The following FRMD4A variants were observed in gnomAD, a reference collection of about 807,000 sequenced individuals.
FRMD4A encodes FERM domain containing 4A.
Under a neutral mutation model 129.1 loss-of-function variants are expected in FRMD4A, and 29 were observed. That is an observed-to-expected ratio of 0.22 (90% CI 0.17 to 0.31). The LOEUF is 0.31. Among genes scored for constraint, FRMD4A ranks in the 10% least tolerant of loss-of-function variants. The pLI is 1.00. For missense variants in FRMD4A, 1,272 were observed against 1,375.8 expected, an observed-to-expected ratio of 0.92 and a Z score of 1.19; for synonymous variants, 634 against 571.6, an observed-to-expected ratio of 1.11 and a Z score of -1.56.
At chr10:14,035,924 C>T (rs907405643) in intron 2 of FRMD4A, among the ~76,000 whole-genome samples, 3 of 151,996 alleles carry the variant, frequency 2.0e-5, no homozygotes, top group African/African-American at 4.8e-5. Flanking sequence ...CGCCTGTAAT[C>T]CCAGCTACTT....
At chr10:13,662,315 G>A (rs117415981) in intron 19 of FRMD4A, among the ~76,000 whole-genome samples, 2,803 of 152,134 alleles carry the variant, frequency 0.018, 22 homozygotes, top group Middle Eastern at 0.034. Context: ...TAAATAATCC[G>A]CCAGACTTTC....
At chr10:13,910,754 C>G (rs2131224875) in intron 2 of FRMD4A, among the ~76,000 whole-genome samples, 1 of 151,848 alleles carries the variant, frequency 6.6e-6, no homozygotes, top group East Asian at 1.9e-4. Flanking sequence ...CAACTGGAAC[C>G]AATAAACAAT....
In FRMD4A at chr10:14,266,063, G is replaced by A. The variant is rs566788840; in HGVS notation, c.45+63995C>T. ...AAGCAACAAACATAAATACTGCTGGGCCACTGGAACCAGTGAACTGAACGG... is the reference window on the plus strand; with the variant it reads ...AAGCAACAAACATAAATACTGCTGGACCACTGGAACCAGTGAACTGAACGG... On this transcript the variant is annotated intron_variant, in intron 2 of 24. Coordinates refer to ENST00000357447, the MANE Select transcript of FRMD4A (RefSeq NM_018027.5). Among the ~76,000 whole-genome samples, 10 of 149,918 alleles carry A rather than the reference G, an allele frequency of 6.7e-5. No homozygotes were observed. In the South Asian group the frequency reaches 2.1e-3, roughly 32 times the overall value.
intron 2 of FRMD4A, among the ~76,000 whole-genome samples, chr10:13,872,736 C>T (rs1292373576): frequency 6.6e-6 from 1 of 152,182 alleles, no homozygotes; most frequent in African/African-American, 2.4e-5. Flanking sequence ...CCACATGGAG[C>T]TCTGGCTTCA....
intron 9 of FRMD4A, among the ~76,000 whole-genome samples, chr10:13,746,580 A>G (rs2091302488): frequency 6.6e-6 from 1 of 152,188 alleles, no homozygotes; most frequent in African/African-American, 2.4e-5. Flanking sequence ...CACTGTCTGG[A>G]TAAGTGTCCA....
chr10:13,747,205 G>A (rs553316429), intron 9 of FRMD4A, among the ~76,000 whole-genome samples: 3 of 151,614 alleles, frequency 2.0e-5, no homozygotes, highest in Non-Finnish European at 4.4e-5. Context: ...AACAAAAAAG[G>A]AGAGGTCTCA....
At chr10:14,017,189 G>A (rs1356152746) in intron 2 of FRMD4A, among the ~76,000 whole-genome samples, 4 of 152,174 alleles carry the variant, frequency 2.6e-5, no homozygotes, top group African/African-American at 4.8e-5. Flanking sequence ...GAGGAATAAC[G>A]CTCCTGCAAG....
intron 2 of FRMD4A, among the ~76,000 whole-genome samples, chr10:13,953,854 C>A (rs968607621): frequency 2.6e-5 from 4 of 152,174 alleles, no homozygotes; most frequent in African/African-American, 9.7e-5. Flanking sequence ...TTGGAAGGGA[C>A]CCCCTCAAGG....
chr10:13,828,775 G>A (rs375601254), intron 3 of FRMD4A, among the ~76,000 whole-genome samples: 15 of 152,158 alleles, frequency 9.9e-5, no homozygotes, highest in African/African-American at 2.6e-4. Context: ...CAGGTGATCC[G>A]CCCGCCTTGG....
At chr10:14,328,699 T>C (rs949316742) in intron 2 of FRMD4A, among the ~76,000 whole-genome samples, 4 of 151,528 alleles carry the variant, frequency 2.6e-5, no homozygotes, top group Admixed American at 2.6e-4. Flanking sequence ...TAACCCAGGC[T>C]CCCAGGTTCC....
At chr10:14,180,923 T>A (rs1841892311) in intron 2 of FRMD4A, among the ~76,000 whole-genome samples, 1 of 152,248 alleles carries the variant, frequency 6.6e-6, no homozygotes, top group Non-Finnish European at 1.5e-5. Flanking sequence ...TTATTTACAA[T>A]TCCTTAAAAT....
At chr10:14,046,823 A>G (rs1281578921) in intron 2 of FRMD4A, among the ~76,000 whole-genome samples, 1 of 152,156 alleles carries the variant, frequency 6.6e-6, no homozygotes, top group East Asian at 1.9e-4. Flanking sequence ...GATGAGGAAA[A>G]TCTAAGTTAA....
intron 2 of FRMD4A, among the ~76,000 whole-genome samples, chr10:13,879,784 C>T (rs2094527316): frequency 7.9e-6 from 1 of 126,012 alleles, no homozygotes; most frequent in Admixed American, 8.2e-5. Flanking sequence ...CTTCTTCCTC[C>T]TCCTCCTCCC....
At chr10:13,928,963 C>A (rs2095165127) in intron 2 of FRMD4A, among the ~76,000 whole-genome samples, 1 of 152,242 alleles carries the variant, frequency 6.6e-6, no homozygotes, top group Non-Finnish European at 1.5e-5. Flanking sequence ...TTGTTCCAAA[C>A]ATGCTTGAGC....
At chr10:14,210,789 A>G (rs1318713111) in intron 2 of FRMD4A, among the ~76,000 whole-genome samples, 1 of 152,110 alleles carries the variant, frequency 6.6e-6, no homozygotes, top group Non-Finnish European at 1.5e-5. Context: ...GTGCAGTGAC[A>G]CAGTCTTGGC....
intron 4 of FRMD4A, 112 bp downstream of exon 4, chr10:13,810,702 A>G (rs150939180): frequency 4.4e-4 from 243 of 548,284 alleles, no homozygotes; most frequent in African/African-American, 4.2e-3. Context: ...ACCCCAGACC[A>G]TGGGACCCAA....
intron 2 of FRMD4A, among the ~76,000 whole-genome samples, chr10:14,215,996 CT>C (rs1435756430): frequency 6.6e-6 from 1 of 152,048 alleles, no homozygotes; most frequent in African/African-American, 2.4e-5. Flanking sequence ...CTTGAAAATC[CT>C]GTGAGCTGAG....
At chr10:13,647,066 A>T in intron 24 of FRMD4A, 31 bp from the exon 25 acceptor site, 1 of 460,324 alleles carries the variant, frequency 2.2e-6, no homozygotes, top group Non-Finnish European at 2.7e-6. Flanking sequence ...GAGATGAGAC[A>T]GTTAGTTAGT....
At chr10:14,078,265 G>A (rs935894689) in intron 2 of FRMD4A, among the ~76,000 whole-genome samples, 1 of 152,168 alleles carries the variant, frequency 6.6e-6, no homozygotes, top group African/African-American at 2.4e-5. Flanking sequence ...CCAAGTAGGA[G>A]AAGAACCTGG....
Sources: allele counts gnomAD v4.1 joint callset (sites outside exome capture counted in the v4.1 genomes callset), GRCh38; gene constraint gnomAD v4.1.1; transcripts MANE v1.5; gene names NCBI Gene and HGNC (gene_info 2026-07-23, HGNC 2026-07-21).